The following HDAC6 variants were observed in gnomAD, a reference collection of about 807,000 sequenced individuals.
HDAC6 encodes the protein protein deacetylase HDAC6.
In HDAC6, 5 loss-of-function variants were observed where a neutral mutation model predicts 88.9. That is an observed-to-expected ratio of 0.06 (90% CI 0.03 to 0.12). HDAC6 has a LOEUF of 0.12. HDAC6 is among the 10% of genes least tolerant of loss of function. The probability of loss-of-function intolerance (pLI) is 1.00; values close to 1 mark genes in which losing one functional copy is unlikely to be tolerated. For synonymous variants in HDAC6, 378 were observed against 398.0 expected (o/e 0.95, Z 0.60); for missense variants, 706 against 1,014.4 (o/e 0.70, Z 4.13).
chrX:48,807,088 A>G (rs782251435), intron 8 of HDAC6: 16 of 124,409 alleles, frequency 1.3e-4, no homozygotes, highest in Admixed American at 1.7e-4. Context: ...ATCATGGTAC[A>G]TCTTATCATC....
At chrX:48,801,581 T>G (rs1557022197), upstream of HDAC6, 3 of 213,783 alleles carry the variant, frequency 1.4e-5, no homozygotes, top group Admixed American at 1.4e-4. Flanking sequence ...AAGAAAAAGC[T>G]TGCACCGCAG....
At chrX:48,817,571 C>A in intron 20 of HDAC6, 112 bp downstream of exon 20, 1 of 765,773 alleles carries the variant, frequency 1.3e-6, no homozygotes, top group Non-Finnish European at 1.8e-6. Context: ...ACTTCCTTCC[C>A]CAGAAAGAAG....
At chrX:48,814,303 G>A (rs1243971542) in intron 10 of HDAC6, 137 bp from the exon 11 acceptor site, 7 of 583,449 alleles carry the variant, frequency 1.2e-5, no homozygotes, top group Non-Finnish European at 8.1e-6. Context: ...AATTAATGGG[G>A]AAATTAATGA....
At position 48,823,155 on chromosome X, in the gene HDAC6, C is replaced by T. The variant is rs1674326570; in HGVS notation, c.2756C>T (p.Thr919Ile). Reference protein sequence around the residue: ...QPSEAATGGATLAQTISEAAI... With the variant: ...QPSEAATGGAILAQTISEAAI... The stretch of plus-strand genomic sequence containing the variant: ...TCAGAGGCAGCCACAGGGGGAGCCA[C>T]TCTGGCCCAGACCATTTCTGAGGCA... Residue 919 changes from threonine (T) to isoleucine (I), a missense_variant, in exon 25 of 29, where the codon ACT becomes ATT. Physicochemically the swap from Thr to Ile is moderately conservative, Grantham distance 89 (BLOSUM62 -1). This residue lies in a region of HDAC6 where 89 missense variants were observed against 90.9 expected (regional missense o/e 0.98). Transcript: ENST00000334136. 8.3e-7 allele frequency: 1 copy of T among 1,208,137 alleles called. No homozygotes were observed. Among genetic ancestry groups the T allele is most frequent in the Non-Finnish European group, 1.1e-6 (1 of 893,645 alleles).
chrX:48,803,159 G>C lies in HDAC6; in HGVS notation c.254G>C (p.Gly85Ala). ...AACCTTGAGGCTGAAGCACTGGCTGGCACTGGCTTGGTGTTGGATGAGCAG... is the reference window on the plus strand; with the variant it reads ...AACCTTGAGGCTGAAGCACTGGCTGCCACTGGCTTGGTGTTGGATGAGCAG... ...DLNLEAEALAGTGLVLDEQLN... is the reference protein window; with the variant it reads ...DLNLEAEALAATGLVLDEQLN... The change falls in exon 4 of 29, where the codon GGC (glycine) becomes GCC (alanine). Residue 85 changes from glycine to alanine, a missense_variant. Coordinates refer to ENST00000334136, the MANE Select transcript of HDAC6 (RefSeq NM_006044.4). 1 of 1,210,593 alleles carries C rather than the reference G, an allele frequency of 8.3e-7. No homozygotes were observed. Among genetic ancestry groups the C allele is most frequent in the Non-Finnish European group, 1.1e-6 (1 of 894,768 alleles).
intron 28 of HDAC6, 27 bp from the exon 29 acceptor site, chrX:48,824,517 C>T: frequency 8.4e-7 from 1 of 1,185,273 alleles, no homozygotes; most frequent in East Asian, 3.0e-5. Context: ...CTCTCTCTCA[C>T]CTGCCCTATT....
At position 48,814,828 on chromosome X, in the gene HDAC6, C is replaced by T. The variant is rs1557026932; in HGVS notation, c.1000-6C>T. ...GGTAGCCTCATGGAGTCTGTTCCCC[C>T]TTCAGTTCCAGCCTCAGCTGGTCCT... On this transcript the variant is annotated splice_polypyrimidine_tract_variant and splice_region_variant and intron_variant, in intron 12 of 28. Coordinates refer to ENST00000334136, the MANE Select transcript of HDAC6 (RefSeq NM_006044.4). 2.5e-6 allele frequency: 3 copies of T among 1,211,799 alleles called. No individual in the cohort carries two copies. In the Admixed American group the frequency reaches 6.5e-5, roughly 26 times the overall value.
rs1557030426 is a variant in HDAC6, at chrX:48,822,814, A to AT, written c.2512+21dup. The stretch of plus-strand genomic sequence containing the variant: ...TCATGAGTGAGTGGATTTGGGGGTG[A>AT]TGGGGGGAACCCAGGGAAGGAGGGG... On this transcript the variant is annotated intron_variant, in intron 24 of 28. Coordinates refer to ENST00000334136, the MANE Select transcript of HDAC6 (RefSeq NM_006044.4). 5.9e-6 allele frequency: 7 copies of AT among 1,177,189 alleles called. No individual in the cohort carries two copies. The African/African-American group carries it at 1.1e-4, about 18-fold the overall frequency.
intron 3 of HDAC6, 31 bp downstream of exon 3, chrX:48,803,030 G>A (rs1557022988): frequency 2.5e-6 from 3 of 1,206,452 alleles, no homozygotes; most frequent in Admixed American, 2.2e-5. Context: ...GTTTAGCCTC[G>A]TATGACAATC....
In HDAC6 at chrX:48,808,254, C is replaced by T; in HGVS notation, c.738-4C>T. The T allele has an allele frequency of 8.3e-7, 1 of 1,205,152 alleles. No homozygotes were observed. The highest frequency in any genetic ancestry group is 1.7e-5 in the African/African-American group (1 of 57,533). On this transcript the variant is annotated splice_region_variant and splice_polypyrimidine_tract_variant and intron_variant, in intron 9 of 28. Transcript: ENST00000334136. ...ACAGAGTCCCCTCTCTCTGCTGCTC[C>T]TAGGGTCCTTATCGTAGATTGGGAT... is the stretch of plus-strand genomic sequence containing the variant.
At position 48,824,678 on chromosome X, in the gene HDAC6, C is replaced by T; in HGVS notation, c.*66C>T. 1 of 1,180,094 alleles carries T rather than the reference C, an allele frequency of 8.5e-7. No individual in the cohort carries two copies. Among genetic ancestry groups the T allele is most frequent in the Non-Finnish European group, 1.1e-6 (1 of 876,517 alleles). ...ATAGACCAGCTGTAGCTCATTCCAGCCTGTACCTTGGATGAGGGGTAGCCT... is the reference window on the plus strand; with the variant it reads ...ATAGACCAGCTGTAGCTCATTCCAGTCTGTACCTTGGATGAGGGGTAGCCT... On this transcript the variant is annotated 3_prime_UTR_variant, in exon 29 of 29. Coordinates refer to ENST00000334136, the MANE Select transcript of HDAC6 (RefSeq NM_006044.4).
At chrX:48,810,539 T>G (rs2062885158) in intron 10 of HDAC6, 1 of 111,802 alleles carries the variant, frequency 8.9e-6, no homozygotes, top group South Asian at 3.7e-4. Context: ...AGGACTTCTG[T>G]TAGTCAGATG....
chrX:48,801,596 G>C (rs1236484612), upstream of HDAC6: 2 of 227,768 alleles, frequency 8.8e-6, no homozygotes, highest in Non-Finnish European at 1.6e-5. Flanking sequence ...CCGCAGCCCT[G>C]TCGGGAACCG....
At position 48,802,691 on chromosome X, in the gene HDAC6, C is replaced by T; in HGVS notation, c.-2C>T. ...CGCGGCAGGGGCCAAGCCTCCTCAACTATGACCTCAACCGGCCAGGATTCC... is the reference window on the plus strand; with the variant it reads ...CGCGGCAGGGGCCAAGCCTCCTCAATTATGACCTCAACCGGCCAGGATTCC... On this transcript the variant is annotated 5_prime_UTR_variant, in exon 2 of 29. Transcript: ENST00000334136. 2 of 1,205,890 alleles carry T rather than the reference C, an allele frequency of 1.7e-6. No homozygotes were observed. Among genetic ancestry groups the T allele is most frequent in the South Asian group, 1.8e-5 (1 of 56,024 alleles).
chrX:48,816,768 GT>G, intron 19 of HDAC6, 135 bp downstream of exon 19: 1 of 455,364 alleles, frequency 2.2e-6, no homozygotes, highest in Non-Finnish European at 3.5e-6. Context: ...ACGGGAGGGG[GT>G]GGGCCTAGAG....
intron 10 of HDAC6, among the ~76,000 whole-genome samples, chrX:48,813,200 C>T (rs782666966): frequency 3.6e-5 from 4 of 112,601 alleles, no homozygotes; most frequent in South Asian, 3.6e-4. Flanking sequence ...TGAACCACTG[C>T]GCCCAGCCCT....
chrX:48,801,413 G>A (rs1345918954), upstream of HDAC6: 1 of 117,620 alleles, frequency 8.5e-6, no homozygotes, highest in East Asian at 2.8e-4. Flanking sequence ...CGCGTCGCGC[G>A]GGAAGTCGCG....
intron 10 of HDAC6, among the ~76,000 whole-genome samples, chrX:48,809,691 A>G (rs1020312297): frequency 3.6e-5 from 4 of 110,008 alleles, no homozygotes; most frequent in Non-Finnish European, 7.6e-5. Context: ...ATTTCCAGCT[A>G]CTCAGGAGGC....
rs1217622004 is a variant in HDAC6, at chrX:48,819,773, C to T, written c.2188-333C>T. The T allele has an allele frequency of 2.5e-5, 8 of 315,539 alleles. No homozygotes were observed. In the East Asian group the frequency reaches 6.0e-4, roughly 24 times the overall value. The allele number at this position is 315,539 out of a possible 1,213,427, so 26.0% of individuals were successfully genotyped here. On this transcript the variant is annotated intron_variant, in intron 22 of 28. Coordinates refer to ENST00000334136, the MANE Select transcript of HDAC6 (RefSeq NM_006044.4). Reference sequence around the variant, plus strand: ...TTAGCCAGGATGGTCTCAATCTGACCTCATGATCTGCCCGCCTCGGCCTCC... The same window carrying T: ...TTAGCCAGGATGGTCTCAATCTGACTTCATGATCTGCCCGCCTCGGCCTCC...
Sources: gnomAD v4.1 joint callset for allele counts (sites outside exome capture counted in the v4.1 genomes callset) on GRCh38, gnomAD v4.1.1 for gene constraint, gnomAD v4.1.1 regional missense constraint, MANE v1.5 for transcripts, NCBI Gene and HGNC (gene_info 2026-07-23, HGNC 2026-07-21) for gene names.